Variants in FKBP5 observed in about 807,000 individuals in gnomAD.
FKBP5 encodes the protein FKBP prolyl isomerase 5.
A neutral mutation model predicts 50.5 loss-of-function variants in FKBP5; 23 were observed. That is an observed-to-expected ratio of 0.46 (90% CI 0.33 to 0.65). The LOEUF is 0.65. Among genes scored for constraint, FKBP5 ranks in the 30% least tolerant of loss-of-function variants. The probability of loss-of-function intolerance (pLI) is 0.02; values close to 1 mark genes in which losing one functional copy is unlikely to be tolerated. For missense variants in FKBP5, 411 were observed against 553.1 expected (o/e 0.74, Z 2.58); for synonymous variants, 176 against 190.6 (o/e 0.92, Z 0.63).
Position 35,576,975 on chromosome 6 carries a change from C to T in FKBP5, c.1266+19G>A. On this transcript the variant is annotated intron_variant, in intron 10 of 10. Coordinates refer to ENST00000357266, the MANE Select transcript of FKBP5 (RefSeq NM_004117.4). Reference sequence around the variant, plus strand: ...GTCAGGCTCTTGATCCACCTGCAGTCATCAGGCTCTGCACACACCTTGGCA... The same window carrying T: ...GTCAGGCTCTTGATCCACCTGCAGTTATCAGGCTCTGCACACACCTTGGCA... The T allele has an allele frequency of 3.1e-6, 5 of 1,612,452 alleles. No individual in the cohort carries two copies. Among genetic ancestry groups the T allele is most frequent in the Non-Finnish European group, 4.2e-6 (5 of 1,179,362 alleles).
intron 1 of FKBP5, among the ~76,000 whole-genome samples, chr6:35,721,642 C>T (rs376120924): frequency 1.2e-4 from 18 of 152,268 alleles, no homozygotes; most frequent in East Asian, 1.2e-3. Context: ...TTAGTAGAGA[C>T]GGGATTTCTC....
chr6:35,624,563 C>T (rs1010727761), intron 3 of FKBP5, among the ~76,000 whole-genome samples: 1 of 152,056 alleles, frequency 6.6e-6, no homozygotes, highest in Non-Finnish European at 1.5e-5. Context: ...AAATACCAAA[C>T]ATCCCCCTCT....
chr6:35,663,962 G>A (rs551338958), intron 1 of FKBP5, among the ~76,000 whole-genome samples: 3 of 152,324 alleles, frequency 2.0e-5, no homozygotes, highest in African/African-American at 7.2e-5. Context: ...TAATGGACGA[G>A]CTAAGTAATC....
At chr6:35,586,078 G>A (rs1051225098) in intron 8 of FKBP5, 8 of 984,986 alleles carry the variant, frequency 8.1e-6, no homozygotes, top group African/African-American at 1.7e-5. Flanking sequence ...GGCAGAAAAC[G>A]AAAGAAACCT....
intron 9 of FKBP5, among the ~76,000 whole-genome samples, chr6:35,579,037 G>A (rs1416483114): frequency 6.6e-6 from 1 of 151,996 alleles, no homozygotes; most frequent in Admixed American, 6.6e-5. Flanking sequence ...GATAGCTTGG[G>A]CCCCAGAGTT....
At chr6:35,576,908 G>T in intron 10 of FKBP5, 86 bp downstream of exon 10, 1 of 1,497,032 alleles carries the variant, frequency 6.7e-7, no homozygotes, top group Non-Finnish European at 9.1e-7. Context: ...GAGCCTCTTG[G>T]GTTGTTTAGC....
intron 3 of FKBP5, among the ~76,000 whole-genome samples, chr6:35,634,812 T>C (rs1424130025): frequency 2.0e-5 from 3 of 152,196 alleles, no homozygotes; most frequent in Non-Finnish European, 2.9e-5. Context: ...ATAAGCCACA[T>C]GTTCTACAAA....
chr6:35,700,624 G>A (rs1482455826), intron 2 of FKBP5, among the ~76,000 whole-genome samples: 4 of 152,138 alleles, frequency 2.6e-5, no homozygotes, highest in African/African-American at 4.8e-5. Flanking sequence ...AAGCAGGTCC[G>A]AGTGCTGGGC....
In FKBP5 at chr6:35,606,659, C is replaced by CAAAAAAAAA. The variant is rs61139697; in HGVS notation, c.509-9264_509-9256dup. ...TGGGCAACAGAATGAGACTCCGTCT[C>CAAAAAAAAA]AAAAAAAAAAAAAAAAAAAAAAAAA... On this transcript the variant is annotated intron_variant, in intron 5 of 10. Transcript: ENST00000357266. 3.6e-4 allele frequency among the ~76,000 whole-genome samples: 9 copies of CAAAAAAAAA among 25,130 alleles called. 1 individual carries two copies. The highest frequency in any genetic ancestry group is 6.2e-4 in the African/African-American group (4 of 6,470). The allele number at this position is 25,130 out of a possible 152,430, so 16.5% of individuals were successfully genotyped here.
intron 5 of FKBP5, among the ~76,000 whole-genome samples, chr6:35,614,858 C>T (rs1479893418): frequency 1.3e-5 from 2 of 152,040 alleles, no homozygotes; most frequent in Non-Finnish European, 2.9e-5. Flanking sequence ...GGCACGGTGG[C>T]TCATTCCTGT....
chr6:35,690,638 C>T (rs141436620), upstream of FKBP5, among the ~76,000 whole-genome samples: 25 of 152,274 alleles, frequency 1.6e-4, no homozygotes, highest in Admixed American at 1.2e-3. Context: ...TGTTCATTAA[C>T]GCAGAAAAAC....
intron 2 of FKBP5, among the ~76,000 whole-genome samples, chr6:35,705,939 G>A (rs964981322): frequency 1.9e-4 from 29 of 152,090 alleles, no homozygotes; most frequent in African/African-American, 6.3e-4. Flanking sequence ...GCACAACCCC[G>A]TCTCTACTAA....
intron 3 of FKBP5, among the ~76,000 whole-genome samples, chr6:35,636,489 G>C (rs1764312384): frequency 6.6e-6 from 1 of 152,168 alleles, no homozygotes; most frequent in African/African-American, 2.4e-5. Context: ...ACTTTTCCTT[G>C]AGACAACCAT....
intron 1 of FKBP5, among the ~76,000 whole-genome samples, chr6:35,650,160 C>T (rs1465099731): frequency 6.6e-6 from 1 of 152,000 alleles, no homozygotes; most frequent in Non-Finnish European, 1.5e-5. Flanking sequence ...CCAGCTTGGG[C>T]AACACAGTGA....
intron 5 of FKBP5, among the ~76,000 whole-genome samples, chr6:35,615,152 A>ACAC (rs1198811283): frequency 1.6e-4 from 15 of 91,312 alleles, no homozygotes; most frequent in African/African-American, 6.0e-4. Flanking sequence ...CAACAACAAC[A>ACAC]ACTACACACA....
upstream of FKBP5, among the ~76,000 whole-genome samples, chr6:35,690,467 A>C (rs1354195021): frequency 1.4e-5 from 2 of 146,392 alleles, no homozygotes; most frequent in African/African-American, 2.5e-5. Flanking sequence ...CTCCATTCTA[A>C]AAAAAAAAAA....
intron 1 of FKBP5, among the ~76,000 whole-genome samples, chr6:35,687,972 G>A (rs547647655): frequency 9.9e-5 from 15 of 152,230 alleles, no homozygotes; most frequent in Non-Finnish European, 1.6e-4. Context: ...ACTGTGACCG[G>A]TGCACCTTTT....
At chr6:35,591,301 C>T in intron 6 of FKBP5, 81 bp from the exon 7 acceptor site, 2 of 908,206 alleles carry the variant, frequency 2.2e-6, no homozygotes, top group Admixed American at 2.1e-5. Flanking sequence ...GAGGCATCAA[C>T]AGAGCTATCA....
At chr6:35,706,107 TCAAA>T (rs200467764) in intron 2 of FKBP5, among the ~76,000 whole-genome samples, 4,086 of 151,496 alleles carry the variant, frequency 0.027, 165 homozygotes, top group African/African-American at 0.093. Flanking sequence ...AGACTCTGTC[TCAAA>T]CAAACAAATA....
Sources: allele counts gnomAD v4.1 joint callset (sites outside exome capture counted in the v4.1 genomes callset), GRCh38; gene constraint gnomAD v4.1.1; transcripts MANE v1.5; gene names NCBI Gene and HGNC (gene_info 2026-07-23, HGNC 2026-07-21).